SORCS3: variants seen among roughly 807,000 people sequenced by gnomAD.
SORCS3 encodes VPS10 domain-containing receptor SorCS3.
Under a neutral mutation model 146.3 loss-of-function variants are expected in SORCS3, and 57 were observed. The observed-to-expected ratio is 0.39, with a 90% confidence interval of 0.31 to 0.49. SORCS3 has a LOEUF of 0.49. Ranked by LOEUF, SORCS3 falls within the 20% of genes least tolerant of loss-of-function variation. The pLI, the probability that SORCS3 is intolerant of heterozygous loss-of-function variation, is 0.92. For synonymous variants in SORCS3, 653 were observed against 618.5 expected, an observed-to-expected ratio of 1.06 and a Z score of -0.83; for missense variants, 1,341 against 1,575.5, an observed-to-expected ratio of 0.85 and a Z score of 2.52.
chr10:105,132,827 G>A (rs532161439), intron 7 of SORCS3, among the ~76,000 whole-genome samples: 3 of 152,242 alleles, frequency 2.0e-5, no homozygotes, highest in South Asian at 2.1e-4. Context: ...TGACGGATGG[G>A]CCCAGAGCAA....
chr10:105,009,551 A>C (rs1451128309), intron 4 of SORCS3, among the ~76,000 whole-genome samples: 1 of 133,270 alleles, frequency 7.5e-6, no homozygotes, highest in Non-Finnish European at 1.7e-5. Context: ...AAAAAAAAAA[A>C]CCCCAAAAAC....
At chr10:104,644,352 C>T (rs897546127) in intron 1 of SORCS3, among the ~76,000 whole-genome samples, 2 of 152,324 alleles carry the variant, frequency 1.3e-5, no homozygotes, top group African/African-American at 2.4e-5. Flanking sequence ...GTAGGCAATA[C>T]GAGAGAGAGA....
intron 5 of SORCS3, among the ~76,000 whole-genome samples, chr10:105,078,378 G>A (rs1449423812): frequency 2.6e-5 from 4 of 152,002 alleles, no homozygotes; most frequent in Non-Finnish European, 4.4e-5. Context: ...AAATCAAGAA[G>A]GAGACAAAAA....
intron 4 of SORCS3, among the ~76,000 whole-genome samples, chr10:104,981,101 C>A (rs2054929301): frequency 6.6e-6 from 1 of 152,150 alleles, no homozygotes. Flanking sequence ...TCCTGATGCA[C>A]CCCAGTCTAC....
At chr10:105,122,471 G>A (rs537862776) in intron 7 of SORCS3, among the ~76,000 whole-genome samples, 1 of 152,134 alleles carries the variant, frequency 6.6e-6, no homozygotes, top group Non-Finnish European at 1.5e-5. Flanking sequence ...TATGTACCCA[G>A]TACTGTGACT....
chr10:104,684,729 T>G (rs1486088575), intron 1 of SORCS3, among the ~76,000 whole-genome samples: 1 of 149,782 alleles, frequency 6.7e-6, no homozygotes, highest in Non-Finnish European at 1.5e-5. Flanking sequence ...ATAAATGAGC[T>G]ACTAAATATA....
intron 13 of SORCS3, among the ~76,000 whole-genome samples, chr10:105,168,334 T>A (rs2119530676): frequency 6.6e-6 from 1 of 152,292 alleles, no homozygotes; most frequent in African/African-American, 2.4e-5. Context: ...ATGATGATGA[T>A]GATGACGACG....
chr10:104,672,574 TG>T (rs534529613), intron 1 of SORCS3, among the ~76,000 whole-genome samples: 174 of 152,280 alleles, frequency 1.1e-3, no homozygotes, highest in Non-Finnish European at 1.9e-3. Flanking sequence ...GTTTTTTAAT[TG>T]TAAGTGTTTA....
chr10:104,950,585 CA>C (rs2019418345), intron 3 of SORCS3, among the ~76,000 whole-genome samples: 2 of 152,050 alleles, frequency 1.3e-5, no homozygotes, highest in African/African-American at 4.8e-5. Flanking sequence ...GGTTTAGTTA[CA>C]AAAATATTTT....
intron 2 of SORCS3, among the ~76,000 whole-genome samples, chr10:104,867,217 AGGAG>A (rs2018469452): frequency 8.9e-6 from 1 of 112,684 alleles, no homozygotes; most frequent in Non-Finnish European, 1.9e-5. Flanking sequence ...AGGAGAGGAG[AGGAG>A]GGGGTGCTTT....
intron 1 of SORCS3, among the ~76,000 whole-genome samples, chr10:104,686,471 C>T (rs914052482): frequency 6.6e-6 from 1 of 152,096 alleles, no homozygotes; most frequent in African/African-American, 2.4e-5. Context: ...AACCAATCGT[C>T]GTGAGCTCTG....
rs1045385964 is a variant in SORCS3 at position 104,680,987 on chromosome 10, G to A, written c.627+39033G>A. ...AGAGAGCAGGAGGGACAGGCGCCAGGGCAGAGAGCAAACTCCCTAGGACCC... is the reference window on the plus strand; with the variant it reads ...AGAGAGCAGGAGGGACAGGCGCCAGAGCAGAGAGCAAACTCCCTAGGACCC... On this transcript the variant is annotated intron_variant, in intron 1 of 26. Transcript: ENST00000369701. 6.6e-5 allele frequency among the ~76,000 whole-genome samples: 10 copies of A among 152,330 alleles called. No individual in the cohort carries two copies. In the South Asian group the frequency reaches 1.9e-3, roughly 28 times the overall value.
chr10:104,944,733 C>A (rs1056133781), intron 3 of SORCS3, among the ~76,000 whole-genome samples: 15 of 152,298 alleles, frequency 9.8e-5, no homozygotes, highest in African/African-American at 3.6e-4. Flanking sequence ...GCAACTGGAA[C>A]TTTCATGCAG....
At chr10:104,743,963 A>G (rs1304007204) in intron 1 of SORCS3, among the ~76,000 whole-genome samples, 1 of 152,236 alleles carries the variant, frequency 6.6e-6, no homozygotes, top group Non-Finnish European at 1.5e-5. Flanking sequence ...TATTCTAACA[A>G]CAATAATAAT....
chr10:105,104,643 C>T (rs1361918578), intron 6 of SORCS3, among the ~76,000 whole-genome samples: 1 of 152,222 alleles, frequency 6.6e-6, no homozygotes, highest in Admixed American at 6.5e-5. Context: ...AAGCAGAGGT[C>T]TCACTTGAAT....
Position 104,821,432 on chromosome 10 carries a change from A to C in SORCS3, c.628-21360A>C, listed in dbSNP as rs547764293. On this transcript the variant is annotated intron_variant, in intron 1 of 26. Transcript: ENST00000369701. ...AGAAGGGCAGGAAGAGAACATGTGCACATTCCTGGGGACACCGGTGAGGGT... is the reference window on the plus strand; with the variant it reads ...AGAAGGGCAGGAAGAGAACATGTGCCCATTCCTGGGGACACCGGTGAGGGT... Among the ~76,000 whole-genome samples the C allele has an allele frequency of 1.2e-3, 182 of 152,266 alleles. 1 individual carries two copies. Among genetic ancestry groups the C allele is most frequent in the Middle Eastern group, 6.8e-3 (2 of 294 alleles).
Position 104,886,570 on chromosome 10 carries a change from CT to C in SORCS3, c.696-29262del, listed in dbSNP as rs1564705996. On this transcript the variant is annotated intron_variant, in intron 2 of 26. Coordinates refer to ENST00000369701, the MANE Select transcript of SORCS3 (RefSeq NM_014978.3). ...ATAACTCTATCATCTATCTATCTAT[CT>C]ATCTATCTATCTATCTATCTATCTA... 5.1e-3 allele frequency among the ~76,000 whole-genome samples: 768 copies of C among 151,502 alleles called. 8 individuals carry two copies. The highest frequency in any genetic ancestry group is 0.018 in the South Asian group (85 of 4,792).
intron 19 of SORCS3, among the ~76,000 whole-genome samples, chr10:105,218,038 TAAC>T (rs1460226739): frequency 1.3e-5 from 2 of 152,188 alleles, no homozygotes; most frequent in Non-Finnish European, 2.9e-5. Context: ...ACCCTCCTAT[TAAC>T]AACTCAGTGA....
intron 2 of SORCS3, among the ~76,000 whole-genome samples, chr10:104,872,296 A>C (rs2018526689): frequency 6.6e-6 from 1 of 152,162 alleles, no homozygotes; most frequent in South Asian, 2.1e-4. Context: ...TGACCTTGGC[A>C]AGTCAGTTTT....
Sources: gnomAD v4.1 joint callset for allele counts (sites outside exome capture counted in the v4.1 genomes callset) on GRCh38, gnomAD v4.1.1 for gene constraint, MANE v1.5 for transcripts, NCBI Gene and HGNC (gene_info 2026-07-23, HGNC 2026-07-21) for gene names.